DNAH5: variants seen among roughly 807,000 people sequenced by gnomAD.
The protein encoded by DNAH5 is dynein axonemal heavy chain 5, also known as axonemal beta dynein heavy chain 5.
Under a neutral mutation model 518.2 loss-of-function variants are expected in DNAH5, and 372 were observed. The observed-to-expected ratio is 0.72, with a 90% CI of 0.66 to 0.78. The LOEUF (loss-of-function observed/expected upper bound fraction) is 0.78, where lower values mean the gene tolerates loss of function less well. DNAH5 is among the 30% of genes least tolerant of loss of function. DNAH5 has a pLI of 0.00. For synonymous variants in DNAH5, 2,039 were observed against 2,025.9 expected, an observed-to-expected ratio of 1.01 and a Z score of -0.17; for missense variants, 5,523 against 5,687.0, an observed-to-expected ratio of 0.97 and a Z score of 0.93.
intron 1 of DNAH5, among the ~76,000 whole-genome samples, chr5:13,966,519 A>C (rs921556793): frequency 6.6e-6 from 1 of 152,180 alleles, no homozygotes; most frequent in Non-Finnish European, 1.5e-5. Flanking sequence ...CCTCCCCACC[A>C]ACATCTATTT....
rs1382535223 is a variant in DNAH5 at position 13,824,298 on chromosome 5, T to G, written c.6480A>C (p.Ser2160=). 1.2e-6 allele frequency: 2 copies of G among 1,614,064 alleles called. No homozygotes were observed. The highest frequency in any genetic ancestry group is 1.7e-6 in the Non-Finnish European group (2 of 1,179,984). Residue 2160 remains serine (S), a synonymous_variant, in exon 39 of 79, where the codon TCA becomes TCC. Coordinates refer to ENST00000265104, the MANE Select transcript of DNAH5 (RefSeq NM_001369.3). ...TTGCTGCTCCCAAGGTCCGAAGAAC[T>G]GACAGAATGTTACGCAGGCCAAAGT... ...HYDFGLRNIL[S]VLRTLGAAKR... is the part of the protein sequence containing the mutation.
chr5:13,761,592 C>A (rs79162204), intron 60 of DNAH5, among the ~76,000 whole-genome samples: 192 of 135,030 alleles, frequency 1.4e-3, no homozygotes, highest in East Asian at 1.5e-3. Context: ...GACTCCGTCT[C>A]AAAAAAAAAA....
At chr5:13,693,847 A>T (rs926514046) in intron 78 of DNAH5, among the ~76,000 whole-genome samples, 3 of 152,236 alleles carry the variant, frequency 2.0e-5, no homozygotes, top group African/African-American at 7.2e-5. Context: ...AAACAACGTG[A>T]TACCTAATTT....
chr5:13,704,990 A>G (rs1742585807), intron 76 of DNAH5, among the ~76,000 whole-genome samples: 1 of 144,374 alleles, frequency 6.9e-6, no homozygotes, highest in South Asian at 2.1e-4. Context: ...ATACCAATAG[A>G]CAATTTTTTT....
At chr5:13,854,933 A>T (rs950203936) in intron 30 of DNAH5, among the ~76,000 whole-genome samples, 4 of 152,130 alleles carry the variant, frequency 2.6e-5, no homozygotes, top group Non-Finnish European at 5.9e-5. Flanking sequence ...GACTTTTTTT[A>T]ACATGTTAAA....
At chr5:14,002,845 ATTTATG>A (rs1179383400) in intron 1 of DNAH5, among the ~76,000 whole-genome samples, 1 of 151,668 alleles carries the variant, frequency 6.6e-6, no homozygotes, top group African/African-American at 2.4e-5. Context: ...AAATATATAT[ATTTATG>A]TTTGTTCAGA....
chr5:13,927,819 C>G (rs887774514), intron 3 of DNAH5, among the ~76,000 whole-genome samples: 1 of 152,206 alleles, frequency 6.6e-6, no homozygotes, highest in African/African-American at 2.4e-5. Flanking sequence ...ATTGCCAGCA[C>G]AGCCTGAGAA....
rs200553244 is a variant in DNAH5 at position 13,923,336 on chromosome 5, C to T, written c.382G>A (p.Val128Met). 414 of 1,614,134 alleles carry T rather than the reference C, an allele frequency of 2.6e-4. No homozygotes were observed. The highest frequency in any genetic ancestry group is 3.2e-4 in the Non-Finnish European group (376 of 1,180,012). ...GNDVALTGVCVFFIRTDPSKA... is the reference protein window; with the variant it reads ...GNDVALTGVCMFFIRTDPSKA... ...GAAGGGTCAGTCCTGATGAAGAACA[C>T]ACATACCCCAGTAAGAGCCACATCG... is the stretch of plus-strand genomic sequence containing the variant. Residue 128 changes from valine to methionine, a missense_variant, in exon 4 of 79, where the codon GTG becomes ATG. Val to Met is a conservative substitution (Grantham distance 21). This residue lies in a region of DNAH5 where 5,121 missense variants were observed against 5,223.3 expected (regional missense o/e 0.98). Transcript: ENST00000265104.
Position 13,923,292 on chromosome 5 carries a change from G to T in DNAH5, c.426C>A (p.Asp142Glu), listed in dbSNP as rs1180629207. 3 of 1,613,996 alleles carry T rather than the reference G, an allele frequency of 1.9e-6. No individual in the cohort carries two copies. The highest frequency in any genetic ancestry group is 3.3e-5 in the Admixed American group (2 of 60,000). ...TCTTGCCCCTTACCTGGTGGATGTT[G>T]TCAGGGGTGATGGCTTTGGAAGGGT... Reference protein sequence around the residue: ...RTDPSKAITPDNIHQEVSFNM... With the variant: ...RTDPSKAITPENIHQEVSFNM... Residue 142 changes from aspartate to glutamate, a missense_variant, in exon 4 of 79, where the codon GAC (aspartate) becomes GAA (glutamate). By Grantham distance (45) the Asp-to-Glu change is conservative. Coordinates refer to ENST00000265104, the MANE Select transcript of DNAH5 (RefSeq NM_001369.3).
In DNAH5 at chr5:13,913,812, G is replaced by A. The variant is rs1418466305; in HGVS notation, c.1467C>T (p.Thr489=). The A allele has an allele frequency of 1.2e-6, 2 of 1,613,452 alleles. No individual in the cohort carries two copies. The highest frequency in any genetic ancestry group is 1.7e-6 in the Non-Finnish European group (2 of 1,179,618). The change falls in exon 11 of 79, where the codon ACC becomes ACT. Residue 489 remains threonine, a synonymous_variant. Transcript: ENST00000265104. ...RLAKIIDIFT[T]LKTYSVLQDS... ...CTTGCAGGACTGAATACGTCTTGAG[G>A]GTTGTAAAGATGTCTATTATCTTGG...
chr5:13,809,089 A>G lies in DNAH5; in HGVS notation c.7707T>C (p.Asn2569=), dbSNP rs1760158475. 1 of 1,614,188 alleles carries G rather than the reference A, an allele frequency of 6.2e-7. No individual in the cohort carries two copies. Among genetic ancestry groups the G allele is most frequent in the Non-Finnish European group, 8.5e-7 (1 of 1,180,038 alleles). ...TTTGAATTAGAAAGTCAGTCCTCACATTGTCAACATTTGGCACCAGAATAG... is the reference window on the plus strand; with the variant it reads ...TTTGAATTAGAAAGTCAGTCCTCACGTTGTCAACATTTGGCACCAGAATAG... The part of the protein sequence containing the change: ...YGSILVPNVD[N]VRTDFLIQTI... The change falls in exon 46 of 79, where the codon AAT becomes AAC. Residue 2569 remains asparagine, a synonymous_variant. Transcript: ENST00000265104.
At position 13,788,859 on chromosome 5, in the gene DNAH5, G is replaced by A. The variant is rs1340396077; in HGVS notation, c.8504C>T (p.Thr2835Ile). ...AAACCAGGTCACATCACTGGACACT[G>A]TGAAACGGTCAGCTATAACACGTTT... ...ECKRVIADRF[T>I]VSSDVTWFDK... Residue 2835 changes from threonine (T) to isoleucine (I), a missense_variant, in exon 51 of 79, where the codon ACA becomes ATA. Coordinates refer to ENST00000265104, the MANE Select transcript of DNAH5 (RefSeq NM_001369.3). 2.5e-6 allele frequency: 4 copies of A among 1,613,958 alleles called. No homozygotes were observed. In the Admixed American group the frequency reaches 5.0e-5, roughly 20 times the overall value.
chr5:13,886,104 A>G lies in DNAH5; in HGVS notation c.2603T>C (p.Ile868Thr), dbSNP rs1210652322. 6.4e-7 allele frequency: 1 copy of G among 1,556,142 alleles called. No homozygotes were observed. Among genetic ancestry groups the G allele is most frequent in the Admixed American group, 1.7e-5 (1 of 57,980 alleles). Residue 868 changes from isoleucine (I) to threonine (T), a missense_variant, in exon 18 of 79, where the codon ATA (isoleucine) becomes ACA (threonine). Physicochemically the swap from Ile to Thr is moderately conservative, Grantham distance 89. Around this residue, in one of 3 missense-constraint regions of DNAH5, gnomAD observed 5,121 missense variants for 5,223.3 expected, o/e 0.98. Transcript: ENST00000265104. ...CACTAATGAGCTTTTAAAATGTAGTATTTGTGCACCATTTACACAAAGATC... is the reference window on the plus strand; with the variant it reads ...CACTAATGAGCTTTTAAAATGTAGTGTTTGTGCACCATTTACACAAAGATC... ...TKDLCVNGAQ[I>T]LHFKSSLVEE...
intron 76 of DNAH5, among the ~76,000 whole-genome samples, chr5:13,706,204 T>C (rs1333013406): frequency 6.6e-6 from 1 of 152,232 alleles, no homozygotes; most frequent in Non-Finnish European, 1.5e-5. Flanking sequence ...TTCATTCACA[T>C]GCATAACTTG....
intron 58 of DNAH5, among the ~76,000 whole-genome samples, chr5:13,768,232 CCATGCTGTTCT>C: frequency 6.6e-6 from 1 of 152,198 alleles, no homozygotes; most frequent in South Asian, 2.1e-4. Flanking sequence ...ACAGTTTCCC[CCATGCTGTTCT>C]CATGATGGTG....
intron 47 of DNAH5, among the ~76,000 whole-genome samples, chr5:13,794,713 C>T (rs1199557293): frequency 6.6e-6 from 1 of 152,198 alleles, no homozygotes; most frequent in Non-Finnish European, 1.5e-5. Context: ...TGCCTGTAAT[C>T]CCAGCACTTT....
chr5:13,909,200 T>C (rs1274554834), intron 12 of DNAH5, among the ~76,000 whole-genome samples: 13 of 152,180 alleles, frequency 8.5e-5, no homozygotes, highest in Non-Finnish European at 5.9e-5. Flanking sequence ...AAATCCCCGG[T>C]GGGTGACTGA....
In DNAH5 at chr5:13,970,116, G is replaced by T. The variant is rs147363069; in HGVS notation, c.13-38872C>A. ...GTCTGATATAAGAACAGCTATTCCT[G>T]CTCGCTTTTGGTGTTCATTTGCATG... is the stretch of plus-strand genomic sequence containing the variant. On this transcript the variant is annotated intron_variant, in intron 1 of 78. Transcript: ENST00000681290. 6.4e-3 allele frequency among the ~76,000 whole-genome samples: 975 copies of T among 152,174 alleles called. 5 individuals carry two copies. The highest frequency in any genetic ancestry group is 0.011 in the Non-Finnish European group (721 of 67,998).
At chr5:13,958,464 C>T (rs1780929510) in intron 1 of DNAH5, among the ~76,000 whole-genome samples, 2 of 151,758 alleles carry the variant, frequency 1.3e-5, no homozygotes, top group Non-Finnish European at 2.9e-5. Context: ...TCCTATTTTT[C>T]TTCTGATAAT....
Sources: gnomAD v4.1 joint callset for allele counts (sites outside exome capture counted in the v4.1 genomes callset) on GRCh38, gnomAD v4.1.1 for gene constraint, gnomAD v4.1.1 regional missense constraint, MANE v1.5 for transcripts, NCBI Gene and HGNC (gene_info 2026-07-23, HGNC 2026-07-21) for gene names.